Variants in SVEP1 observed in about 807,000 individuals in gnomAD.
SVEP1 encodes sushi, von Willebrand factor type A, EGF and pentraxin domain containing 1.
A neutral mutation model predicts 367.3 loss-of-function variants in SVEP1; 164 were observed. The ratio of observed to expected loss-of-function variants is 0.45; its 90% CI spans 0.39 to 0.51. The LOEUF is 0.51. Ranked by LOEUF, SVEP1 falls within the 20% of genes least tolerant of loss-of-function variation. SVEP1 has a pLI of 0.00. For missense variants in SVEP1, 4,117 were observed against 4,425.3 expected (o/e 0.93, Z 1.98); for synonymous variants, 1,666 against 1,611.6 (o/e 1.03, Z -0.81).
At chr9:110,556,793 C>T (rs1830362692) in intron 1 of SVEP1, among the ~76,000 whole-genome samples, 1 of 151,892 alleles carries the variant, frequency 6.6e-6, no homozygotes, top group Admixed American at 6.6e-5. Context: ...TTGGCCATAA[C>T]GTTATCTTTT....
At chr9:110,431,877 T>G in intron 32 of SVEP1, 38 bp downstream of exon 32, 2 of 1,611,638 alleles carry the variant, frequency 1.2e-6, no homozygotes, top group Non-Finnish European at 1.7e-6. Flanking sequence ...AATAAAAGAA[T>G]GGAATTAGGA....
chr9:110,528,620 A>C (rs1178639450), intron 3 of SVEP1, among the ~76,000 whole-genome samples: 3 of 151,738 alleles, frequency 2.0e-5, no homozygotes, highest in South Asian at 2.1e-4. Flanking sequence ...AGAAATGTCT[A>C]AGTTGATTGT....
At chr9:110,367,771 T>C (rs1482078365) in intron 47 of SVEP1, among the ~76,000 whole-genome samples, 1 of 152,148 alleles carries the variant, frequency 6.6e-6, no homozygotes, top group African/African-American at 2.4e-5. Context: ...TGGTGACATG[T>C]AAAAAATTCT....
intron 36 of SVEP1, among the ~76,000 whole-genome samples, chr9:110,425,945 A>C (rs1828246942): frequency 6.6e-6 from 1 of 152,218 alleles, no homozygotes; most frequent in African/African-American, 2.4e-5. Context: ...GTGATCATGC[A>C]TTACTTTTTA....
chr9:110,441,609 C>T (rs116990594), intron 27 of SVEP1, among the ~76,000 whole-genome samples: 2 of 152,326 alleles, frequency 1.3e-5, no homozygotes, highest in African/African-American at 2.4e-5. Flanking sequence ...TTTCATTCCT[C>T]TCTTCAGTGA....
At chr9:110,369,811 A>G (rs539359317) in intron 47 of SVEP1, 112 bp downstream of exon 47, 1 of 834,910 alleles carries the variant, frequency 1.2e-6, no homozygotes, top group Non-Finnish European at 1.8e-6. Context: ...GTTTTCACAT[A>G]CAAAATACTT....
At position 110,406,266 on chromosome 9, in the gene SVEP1, G is replaced by A; in HGVS notation, c.9334C>T (p.Gln3112Ter). Residue 3112 changes from glutamine to a stop codon, truncating the protein, a stop_gained, in exon 38 of 48, where the codon CAG (glutamine) becomes TAG (stop). Coordinates refer to ENST00000374469, the MANE Select transcript of SVEP1 (RefSeq NM_153366.4). LOFTEE classifies it high-confidence loss of function. ...AAGGGCTCACAGACTGGATAAGGCT[G>A]GCTCCATACCCCTTTCTCTGTACAA... is the stretch of plus-strand genomic sequence containing the variant. ...LICTEKGVWS[Q>*]PYPVCEPLSC... 1 of 1,614,054 alleles carries A rather than the reference G, an allele frequency of 6.2e-7. No individual in the cohort carries two copies. Among genetic ancestry groups the A allele is most frequent in the Non-Finnish European group, 8.5e-7 (1 of 1,179,902 alleles).
chr9:110,368,470 A>C (rs1184115444), intron 47 of SVEP1, among the ~76,000 whole-genome samples: 1 of 152,170 alleles, frequency 6.6e-6, no homozygotes, highest in Non-Finnish European at 1.5e-5. Context: ...TTGCGTAAAA[A>C]ATCTAGATCT....
At chr9:110,472,680 G>T (rs150473439) in intron 14 of SVEP1, among the ~76,000 whole-genome samples, 14 of 152,190 alleles carry the variant, frequency 9.2e-5, no homozygotes, top group African/African-American at 2.9e-4. Flanking sequence ...CTATTTCTTT[G>T]CAAGGCTTTC....
chr9:110,375,282 TTCTGAG>T (rs67807464), intron 46 of SVEP1, 80 bp downstream of exon 46: 330,698 of 1,240,054 alleles, frequency 0.27, 44,921 homozygotes, highest in Middle Eastern at 0.34. Context: ...TTGCCACCAC[TTCTGAG>T]TCTAAGTCAC....
chr9:110,527,811 T>C (rs1829959051), intron 3 of SVEP1, among the ~76,000 whole-genome samples: 2 of 151,854 alleles, frequency 1.3e-5, no homozygotes, highest in Admixed American at 6.6e-5. Context: ...TCATACACAA[T>C]TATAAAAAAC....
At chr9:110,412,126 T>C (rs1047794302) in intron 36 of SVEP1, among the ~76,000 whole-genome samples, 2 of 152,208 alleles carry the variant, frequency 1.3e-5, no homozygotes, top group Non-Finnish European at 2.9e-5. Flanking sequence ...TTGCTATACA[T>C]TTAAAAAATA....
intron 30 of SVEP1, among the ~76,000 whole-genome samples, chr9:110,433,818 C>T (rs1370857455): frequency 6.6e-6 from 1 of 151,918 alleles, no homozygotes; most frequent in Non-Finnish European, 1.5e-5. Flanking sequence ...ACAGCTCTTG[C>T]TTCTAGCCCT....
intron 17 of SVEP1, among the ~76,000 whole-genome samples, chr9:110,466,459 C>T (rs1005119645): frequency 2.6e-5 from 4 of 152,200 alleles, no homozygotes; most frequent in South Asian, 2.1e-4. Context: ...GAAATCTCTG[C>T]TTTAAAAAAG....
intron 3 of SVEP1, among the ~76,000 whole-genome samples, chr9:110,530,180 C>A (rs1182413254): frequency 6.6e-6 from 1 of 152,086 alleles, no homozygotes; most frequent in African/African-American, 2.4e-5. Context: ...GTATGTTGAA[C>A]CATCCCTGCA....
chr9:110,454,853 C>G (rs910124010), intron 22 of SVEP1, among the ~76,000 whole-genome samples: 1 of 152,148 alleles, frequency 6.6e-6, no homozygotes, highest in East Asian at 1.9e-4. Flanking sequence ...ATATTAGGTA[C>G]TATTCTCACT....
chr9:110,388,786 T>C (rs188515699), intron 41 of SVEP1, among the ~76,000 whole-genome samples: 2 of 151,964 alleles, frequency 1.3e-5, no homozygotes, highest in Admixed American at 1.3e-4. Context: ...CAGGCCAACA[T>C]GGTGAAACCC....
Position 110,509,737 on chromosome 9 carries a change from T to C in SVEP1, c.1303+3189A>G, listed in dbSNP as rs139400211. Among the ~76,000 whole-genome samples, 28 of 152,346 alleles carry C rather than the reference T, an allele frequency of 1.8e-4. No individual in the cohort carries two copies. The East Asian group carries it at 5.2e-3, about 28-fold the overall frequency. ...AATGTATATACTGTAGTTATCAATG[T>C]ACATCAACGTATACATTTATCGATA... is the stretch of plus-strand genomic sequence containing the variant. On this transcript the variant is annotated intron_variant, in intron 5 of 47. Transcript: ENST00000374469.
intron 2 of SVEP1, 111 bp from the exon 3 acceptor site, chr9:110,546,402 T>G: frequency 8.1e-7 from 1 of 1,227,684 alleles, no homozygotes; most frequent in Non-Finnish European, 1.1e-6. Flanking sequence ...TCCATATCCC[T>G]CTAATTCCCA....
Sources: allele counts gnomAD v4.1 joint callset (sites outside exome capture counted in the v4.1 genomes callset), GRCh38; gene constraint gnomAD v4.1.1; transcripts MANE v1.5; gene names NCBI Gene and HGNC (gene_info 2026-07-23, HGNC 2026-07-21).